Variants in CEP135 observed in about 807,000 individuals in gnomAD.
The protein encoded by CEP135 is centrosomal protein of 135 kDa.
In CEP135, 142 loss-of-function variants were observed where a neutral mutation model predicts 157.3. The ratio of observed to expected loss-of-function variants is 0.90; its 90% CI spans 0.79 to 1.04. The LOEUF (loss-of-function observed/expected upper bound fraction) is 1.04, where lower values mean the gene tolerates loss of function less well. CEP135 is among the 50% of genes least tolerant of loss of function. The pLI is 0.00. For synonymous variants in CEP135, 396 were observed against 439.8 expected (o/e 0.90, Z 1.25); for missense variants, 1,317 against 1,309.2 (o/e 1.01, Z -0.09).
rs770607966 is a variant in CEP135 at position 55,964,328 on chromosome 4, C to T, written c.754C>T (p.Arg252Trp). 1.1e-5 allele frequency: 17 copies of T among 1,613,022 alleles called. No homozygotes were observed. Among genetic ancestry groups the T allele is most frequent in the African/African-American group, 4.0e-5 (3 of 74,876 alleles). Residue 252 changes from arginine to tryptophan, a missense_variant, in exon 7 of 26, where the codon CGG (arginine) becomes TGG (tryptophan). Physicochemically the swap from Arg to Trp is moderately radical, Grantham distance 101 (BLOSUM62 -3). Coordinates refer to ENST00000257287, the MANE Select transcript of CEP135 (RefSeq NM_025009.5). ...ACTGTCAGTTGCTTTGGATGGTGGT[C>T]GGTCCCCTGATGTCCTTTCTCTGGA... Reference protein sequence around the residue: ...ERLSVALDGGRSPDVLSLESR... With the variant: ...ERLSVALDGGWSPDVLSLESR...
At chr4:55,978,018 GTGTGCA>G (rs1173997024) in intron 11 of CEP135, among the ~76,000 whole-genome samples, 3 of 152,212 alleles carry the variant, frequency 2.0e-5, no homozygotes, top group Non-Finnish European at 4.4e-5. Flanking sequence ...TTGCGCATGT[GTGTGCA>G]TGTGCATGTG....
intron 10 of CEP135, 109 bp downstream of exon 10, chr4:55,971,517 G>A: frequency 4.7e-6 from 5 of 1,066,132 alleles, no homozygotes; most frequent in Non-Finnish European, 5.3e-6. Context: ...TATTTGTTGA[G>A]TGCTTACCAT....
At position 55,965,724 on chromosome 4, in the gene CEP135, T is replaced by G. The variant is rs1728820346; in HGVS notation, c.909T>G (p.Ser303=). 3 of 1,613,816 alleles carry G rather than the reference T, an allele frequency of 1.9e-6. No homozygotes were observed. The highest frequency in any genetic ancestry group is 2.5e-6 in the Non-Finnish European group (3 of 1,179,894). ...ELMETKETVT[S]EVVNLSNKNE... ...TGGAAACCAAGGAAACAGTGACATC[T>G]GAAGTCGTTAATTTAAGTAACAAAA... Residue 303 remains serine, a synonymous_variant, in exon 8 of 26, where the codon TCT becomes TCG. Coordinates refer to ENST00000257287, the MANE Select transcript of CEP135 (RefSeq NM_025009.5).
chr4:56,026,821 C>T (rs542395734), intron 25 of CEP135, among the ~76,000 whole-genome samples: 1 of 152,268 alleles, frequency 6.6e-6, no homozygotes, highest in East Asian at 1.9e-4. Context: ...ATGAGTCAGA[C>T]CCAGGCTTTG....
At position 56,009,872 on chromosome 4, in the gene CEP135, A is replaced by T; in HGVS notation, c.2474A>T (p.Asp825Val). 2 of 1,613,786 alleles carry T rather than the reference A, an allele frequency of 1.2e-6. No individual in the cohort carries two copies. Among genetic ancestry groups the T allele is most frequent in the South Asian group, 2.2e-5 (2 of 90,864 alleles). ...TTTAAGGAAAACAGAAGACTGCAAGATGACCTGGCTACAATGGCAAGAGAA... is the reference window on the plus strand; with the variant it reads ...TTTAAGGAAAACAGAAGACTGCAAGTTGACCTGGCTACAATGGCAAGAGAA... The part of the protein sequence containing the change: ...IAFKENRRLQ[D>V]DLATMARENQ... Residue 825 changes from aspartate to valine, a missense_variant, in exon 19 of 26, where the codon GAT becomes GTT. Asp to Val is a radical substitution (Grantham distance 152). Transcript: ENST00000257287.
intron 10 of CEP135, among the ~76,000 whole-genome samples, chr4:55,971,759 A>G (rs1170329912): frequency 1.3e-5 from 2 of 152,198 alleles, no homozygotes; most frequent in Non-Finnish European, 2.9e-5. Context: ...ATGCAGTTAT[A>G]TTATCTTAAA....
chr4:55,994,867 G>A (rs1251201663), intron 15 of CEP135, among the ~76,000 whole-genome samples: 1 of 151,860 alleles, frequency 6.6e-6, no homozygotes, highest in Non-Finnish European at 1.5e-5. Flanking sequence ...TGTATTTTTA[G>A]TAGAGAAGGG....
chr4:55,984,078 C>A (rs1282731456), intron 13 of CEP135, among the ~76,000 whole-genome samples: 1 of 152,210 alleles, frequency 6.6e-6, no homozygotes, highest in Non-Finnish European at 1.5e-5. Context: ...ATATTTCACA[C>A]TGAAGTCAGA....
intron 23 of CEP135, among the ~76,000 whole-genome samples, chr4:56,020,033 A>G (rs1274552865): frequency 6.6e-6 from 1 of 152,202 alleles, no homozygotes; most frequent in African/African-American, 2.4e-5. Flanking sequence ...AGACCTGTAT[A>G]TCTTCACTAC....
intron 15 of CEP135, among the ~76,000 whole-genome samples, chr4:55,995,758 C>T (rs377404647): frequency 6.6e-6 from 1 of 152,176 alleles, no homozygotes. Flanking sequence ...AACCCCTGCT[C>T]AAGGAAAAAT....
chr4:55,999,272 A>G, intron 15 of CEP135, 30 bp from the exon 16 acceptor site: 5 of 1,468,334 alleles, frequency 3.4e-6, no homozygotes, highest in Non-Finnish European at 4.7e-6. Flanking sequence ...GATAAAGAAT[A>G]CCATTTGTTT....
At chr4:56,010,780 C>T (rs1372605829) in intron 19 of CEP135, among the ~76,000 whole-genome samples, 2 of 152,066 alleles carry the variant, frequency 1.3e-5, no homozygotes, top group African/African-American at 2.4e-5. Flanking sequence ...AAACATCTTA[C>T]GTTTTTAAAA....
intron 4 of CEP135, among the ~76,000 whole-genome samples, chr4:55,955,396 T>A (rs1045763884): frequency 6.6e-6 from 1 of 152,150 alleles, no homozygotes; most frequent in Non-Finnish European, 1.5e-5. Context: ...TATCATCTTA[T>A]TGTGTGCCTG....
At chr4:55,988,729 A>G (rs1173455114) in intron 14 of CEP135, among the ~76,000 whole-genome samples, 2 of 151,022 alleles carry the variant, frequency 1.3e-5, no homozygotes, top group East Asian at 3.9e-4. Flanking sequence ...TGGCTGAGGC[A>G]GGCGAATCAT....
Position 55,965,871 on chromosome 4 carries a change from T to TA in CEP135, c.1044+13dup. 1 of 1,594,094 alleles carries TA rather than the reference T, an allele frequency of 6.3e-7. No homozygotes were observed. The highest frequency in any genetic ancestry group is 8.6e-7 in the Non-Finnish European group (1 of 1,163,490). On this transcript the variant is annotated intron_variant, in intron 8 of 25. Coordinates refer to ENST00000257287, the MANE Select transcript of CEP135 (RefSeq NM_025009.5). Reference sequence around the variant, plus strand: ...TTGGGGAAGCAAAGGTAATGAATGATATGTGTAGATTGTGAGAGTGTTCAT... The same window carrying TA: ...TTGGGGAAGCAAAGGTAATGAATGATAATGTGTAGATTGTGAGAGTGTTCAT...
intron 11 of CEP135, 96 bp downstream of exon 11, chr4:55,975,065 T>G (rs1021430122): frequency 1.1e-6 from 1 of 895,790 alleles, no homozygotes; most frequent in African/African-American, 1.7e-5. Flanking sequence ...TCGTACTTGC[T>G]TTGAAAAATC....
rs78405811 is a variant in CEP135 at position 55,989,021 on chromosome 4, C to T, written c.1858-2913C>T. ...GGGATTGGGAGAGACTGATCAAACC[C>T]AGTAGAGAGCAAACCCACAAATGTA... On this transcript the variant is annotated intron_variant, in intron 14 of 25. Transcript: ENST00000257287. Among the ~76,000 whole-genome samples, 805 of 151,604 alleles carry T rather than the reference C, an allele frequency of 5.3e-3. 7 individuals carry two copies. Among genetic ancestry groups the T allele is most frequent in the African/African-American group, 0.018 (765 of 41,354 alleles).
intron 10 of CEP135, among the ~76,000 whole-genome samples, chr4:55,974,146 G>C (rs745442057): frequency 6.6e-6 from 1 of 152,112 alleles, no homozygotes; most frequent in South Asian, 2.1e-4. Context: ...CATATCTGTT[G>C]AATGAATGAA....
Position 55,954,190 on chromosome 4 carries a change from G to A in CEP135, c.305-26G>A, listed in dbSNP as rs369632281. 2.3e-5 allele frequency: 36 copies of A among 1,534,388 alleles called. No individual in the cohort carries two copies. Among genetic ancestry groups the A allele is most frequent in the African/African-American group, 2.1e-4 (15 of 71,178 alleles). ...CATTGGATTTCTTGATCTTTAAAAC[G>A]GTCTTTGAATCTTTTTCATTTTAAG... On this transcript the variant is annotated intron_variant, in intron 3 of 25. Transcript: ENST00000257287.
Sources: gnomAD v4.1 joint callset for allele counts (sites outside exome capture counted in the v4.1 genomes callset) on GRCh38, gnomAD v4.1.1 for gene constraint, MANE v1.5 for transcripts, NCBI Gene and HGNC (gene_info 2026-07-23, HGNC 2026-07-21) for gene names.